The following ZNF146 variants were observed in gnomAD, a reference collection of about 807,000 sequenced individuals.
ZNF146 encodes the protein zinc finger protein 146, also known as zinc finger protein OZF.
In ZNF146, 9 loss-of-function variants were observed where a neutral mutation model predicts 22.2. That is an observed-to-expected ratio of 0.41 (90% CI 0.24 to 0.71). The LOEUF (loss-of-function observed/expected upper bound fraction) is 0.71, where lower values mean the gene tolerates loss of function less well. Ranked by LOEUF, ZNF146 falls within the 30% of genes least tolerant of loss-of-function variation. ZNF146 has a pLI of 0.34. For synonymous variants in ZNF146, 108 were observed against 119.2 expected, an observed-to-expected ratio of 0.91 and a Z score of 0.61; for missense variants, 194 against 344.8, an observed-to-expected ratio of 0.56 and a Z score of 3.46.
chr19:36,232,592 GTTCTTTT>G (rs780038978), intron 3 of ZNF146, among the ~76,000 whole-genome samples: 69 of 149,138 alleles, frequency 4.6e-4, no homozygotes, highest in Admixed American at 1.1e-3. Flanking sequence ...ATACTGATCA[GTTCTTTT>G]TTCTTTTTTC....
At position 36,232,599 on chromosome 19, in the gene ZNF146, T is replaced by C. The variant is rs140042685; in HGVS notation, c.-782-3060T>C. Among the ~76,000 whole-genome samples, 50 of 141,626 alleles carry C rather than the reference T, an allele frequency of 3.5e-4. No individual in the cohort carries two copies. The East Asian group carries it at 9.7e-3, about 27-fold the overall frequency. 92.9% of individuals were successfully genotyped at this position (141,626 alleles called of 152,430 possible). On this transcript the variant is annotated intron_variant, in intron 3 of 3. Transcript: ENST00000443387. ...GTGTGGAAATACTGATCAGTTCTTT[T>C]TTCTTTTTTCTTTTTTTTTTTTTTC...
chr19:36,237,477 G>T lies in ZNF146; in HGVS notation c.*158G>T. The T allele has an allele frequency of 1.2e-6, 1 of 822,862 alleles. No homozygotes were observed. Among genetic ancestry groups the T allele is most frequent in the Admixed American group, 3.2e-5 (1 of 31,006 alleles). 51.0% of individuals were successfully genotyped at this position (822,862 alleles called of 1,614,324 possible). ...GACACCAGAAAATTTGTACTGAAGA[G>T]AAAGACATGCATATGATTAAAACCC... On this transcript the variant is annotated 3_prime_UTR_variant, in exon 4 of 4. Coordinates refer to ENST00000443387, the MANE Select transcript of ZNF146 (RefSeq NM_007145.3).
At position 36,222,959 on chromosome 19, in the gene ZNF146, C is replaced by T. The variant is rs547656860; in HGVS notation, c.-855+4764C>T. On this transcript the variant is annotated intron_variant, in intron 2 of 3. Coordinates refer to ENST00000443387, the MANE Select transcript of ZNF146 (RefSeq NM_007145.3). The stretch of plus-strand genomic sequence containing the variant: ...TGGTTGGTGAGCACAGAGACATCCC[C>T]GCACCACACCAAAGACCTTTTTATT... 1.1e-4 allele frequency among the ~76,000 whole-genome samples: 17 copies of T among 151,756 alleles called. No homozygotes were observed. The East Asian group carries it at 2.7e-3, about 24-fold the overall frequency.
intron 2 of ZNF146, among the ~76,000 whole-genome samples, chr19:36,219,558 G>T (rs528406180): frequency 1.3e-5 from 2 of 152,138 alleles, no homozygotes; most frequent in Admixed American, 6.6e-5. Flanking sequence ...TACATCAGAG[G>T]TGATCTTACA....
intron 1 of ZNF146, among the ~76,000 whole-genome samples, chr19:36,217,732 A>C (rs1243332326): frequency 6.6e-6 from 1 of 152,066 alleles, no homozygotes; most frequent in Non-Finnish European, 1.5e-5. Flanking sequence ...TAAAAATACA[A>C]AATTAGCCAG....
At chr19:36,215,792 G>T (rs1420980740) in intron 1 of ZNF146, among the ~76,000 whole-genome samples, 1 of 152,118 alleles carries the variant, frequency 6.6e-6, no homozygotes, top group African/African-American at 2.4e-5. Context: ...AAACAGCATT[G>T]TACGCTTTGA....
At chr19:36,233,334 C>T (rs1030801662) in intron 3 of ZNF146, among the ~76,000 whole-genome samples, 4 of 152,250 alleles carry the variant, frequency 2.6e-5, no homozygotes, top group Admixed American at 6.5e-5. Flanking sequence ...GAGTCGAGAT[C>T]GCACCACTGC....
At chr19:36,226,723 G>A (rs1977083357) in intron 2 of ZNF146, among the ~76,000 whole-genome samples, 1 of 152,142 alleles carries the variant, frequency 6.6e-6, no homozygotes, top group African/African-American at 2.4e-5. Context: ...TGATACATTA[G>A]TATTATTTAA....
intron 2 of ZNF146, among the ~76,000 whole-genome samples, chr19:36,226,878 G>A (rs1320993232): frequency 6.6e-6 from 1 of 152,024 alleles, no homozygotes; most frequent in Non-Finnish European, 1.5e-5. Context: ...CTGTGGTCGG[G>A]AGTTTGGGAG....
chr19:36,226,508 A>G (rs534978845), intron 2 of ZNF146, among the ~76,000 whole-genome samples: 7 of 152,238 alleles, frequency 4.6e-5, no homozygotes, highest in South Asian at 2.1e-4. Flanking sequence ...CCTTTACCCA[A>G]TTTCACCAAT....
rs1036399740 is a variant in ZNF146, at chr19:36,236,126, G to A, written c.-315G>A. 1.1e-5 allele frequency: 3 copies of A among 269,494 alleles called. No homozygotes were observed. The highest frequency in any genetic ancestry group is 6.7e-5 in the African/African-American group (3 of 44,690). The allele number at this position is 269,494 out of a possible 1,614,324, so 16.7% of individuals were successfully genotyped here. ...TGAAGAGAAACCCTGTGCTTCTAAG[G>A]AGTATTGACAAGCCCTTAGCTAGAT... On this transcript the variant is annotated 5_prime_UTR_variant, in exon 4 of 4. Transcript: ENST00000443387.
At chr19:36,232,609 CTTT>C (rs548903056) in intron 3 of ZNF146, among the ~76,000 whole-genome samples, 4 of 140,076 alleles carry the variant, frequency 2.9e-5, no homozygotes, top group African/African-American at 2.6e-5. Context: ...TTTCTTTTTT[CTTT>C]TTTTTTTTTT....
At chr19:36,217,219 C>G (rs1184095441) in intron 1 of ZNF146, among the ~76,000 whole-genome samples, 1 of 151,594 alleles carries the variant, frequency 6.6e-6, no homozygotes, top group Non-Finnish European at 1.5e-5. Context: ...TGCCACCACA[C>G]CCGGCTACTT....
At chr19:36,233,334 C>A (rs1030801662) in intron 3 of ZNF146, among the ~76,000 whole-genome samples, 4 of 152,132 alleles carry the variant, frequency 2.6e-5, no homozygotes, top group African/African-American at 9.7e-5. Context: ...GAGTCGAGAT[C>A]GCACCACTGC....
chr19:36,233,166 A>T (rs1977463752), intron 3 of ZNF146, among the ~76,000 whole-genome samples: 1 of 152,154 alleles, frequency 6.6e-6, no homozygotes, highest in South Asian at 2.1e-4. Flanking sequence ...GCAGATCACC[A>T]GATGTCAGGA....
chr19:36,230,466 C>T (rs2432055), intron 3 of ZNF146, among the ~76,000 whole-genome samples: 95,502 of 151,236 alleles, frequency 0.63, 30,227 homozygotes, highest in Middle Eastern at 0.71. Context: ...AAGGGAAAAC[C>T]GGTATAGAGA....
rs1977685986 is a variant in ZNF146, at chr19:36,237,446, T to C, written c.*127T>C. 3 of 1,200,872 alleles carry C rather than the reference T, an allele frequency of 2.5e-6. No individual in the cohort carries two copies. Among genetic ancestry groups the C allele is most frequent in the East Asian group, 5.2e-5 (2 of 38,426 alleles). The allele number at this position is 1,200,872 out of a possible 1,614,324, so 74.4% of individuals were successfully genotyped here. ...GTTAACTTTAACAAGTACTAAAAAC[T>C]TAAGGGACACCAGAAAATTTGTACT... is the stretch of plus-strand genomic sequence containing the variant. On this transcript the variant is annotated 3_prime_UTR_variant, in exon 4 of 4. Coordinates refer to ENST00000443387, the MANE Select transcript of ZNF146 (RefSeq NM_007145.3).
chr19:36,218,695 T>C (rs1976714369), intron 2 of ZNF146, among the ~76,000 whole-genome samples: 1 of 152,140 alleles, frequency 6.6e-6, no homozygotes, highest in Non-Finnish European at 1.5e-5. Flanking sequence ...GGTCTGGATC[T>C]CCTGACCTTG....
At chr19:36,222,545 C>T (rs1422586404) in intron 2 of ZNF146, among the ~76,000 whole-genome samples, 1 of 152,102 alleles carries the variant, frequency 6.6e-6, no homozygotes, top group Admixed American at 6.5e-5. Context: ...AGTGTAGTGT[C>T]GAATATTTGG....
Sources: allele counts gnomAD v4.1 joint callset (sites outside exome capture counted in the v4.1 genomes callset), GRCh38; gene constraint gnomAD v4.1.1; transcripts MANE v1.5; gene names NCBI Gene and HGNC (gene_info 2026-07-23, HGNC 2026-07-21).